Variants in SAMHD1 observed in about 807,000 individuals in gnomAD.
SAMHD1 encodes deoxynucleoside triphosphate triphosphohydrolase SAMHD1.
In SAMHD1, 54 loss-of-function variants were observed where a neutral mutation model predicts 79.6. That is an observed-to-expected ratio of 0.68 (90% CI 0.55 to 0.85). The LOEUF is 0.85. SAMHD1 is among the 40% of genes least tolerant of loss of function. The pLI is 0.00. For synonymous variants in SAMHD1, 260 were observed against 264.1 expected, an observed-to-expected ratio of 0.98 and a Z score of 0.15; for missense variants, 663 against 782.7, an observed-to-expected ratio of 0.85 and a Z score of 1.82.
In SAMHD1 at chr20:36,946,824, A is replaced by G. The variant is rs778457704; in HGVS notation, c.209-20T>C. ...CATTTTCTATGGAAGAAAAAAGACA[A>G]ATTCAATGTATACAACATATGCTTT... On this transcript the variant is annotated intron_variant, in intron 1 of 15. Transcript: ENST00000646673. 6.3e-7 allele frequency: 1 copy of G among 1,576,252 alleles called. No individual in the cohort carries two copies. The highest frequency in any genetic ancestry group is 8.7e-7 in the Non-Finnish European group (1 of 1,148,732).
chr20:36,916,230 T>C (rs774062129), intron 9 of SAMHD1, among the ~76,000 whole-genome samples: 1 of 152,158 alleles, frequency 6.6e-6, no homozygotes, highest in Non-Finnish European at 1.5e-5. Context: ...CACTTGTTAA[T>C]TATATGCCTT....
At chr20:36,920,195 G>A (rs1415825857) in intron 6 of SAMHD1, among the ~76,000 whole-genome samples, 1 of 152,086 alleles carries the variant, frequency 6.6e-6, no homozygotes, top group African/African-American at 2.4e-5. Context: ...GGTCACTGTA[G>A]TCTTGAACTC....
At chr20:36,932,089 G>A (rs1423196322) in intron 4 of SAMHD1, among the ~76,000 whole-genome samples, 1 of 152,032 alleles carries the variant, frequency 6.6e-6, no homozygotes, top group African/African-American at 2.4e-5. Context: ...AGAACAGCCT[G>A]GCCAATGTGG....
intron 6 of SAMHD1, among the ~76,000 whole-genome samples, chr20:36,920,340 T>C (rs768248196): frequency 2.6e-5 from 4 of 152,120 alleles, no homozygotes; most frequent in Non-Finnish European, 5.9e-5. Flanking sequence ...GGTCTTGAAC[T>C]CCTAGGCTCA....
Position 36,919,421 on chromosome 20 carries a change from A to G in SAMHD1, c.795T>C (p.Ile265=), listed in dbSNP as rs770681043. 1.1e-5 allele frequency: 18 copies of G among 1,613,684 alleles called. No individual in the cohort carries two copies. The South Asian group carries it at 1.9e-4, about 17-fold the overall frequency. The part of the protein sequence containing the change: ...EQYGLIPEED[I]CFIKEQIVGP... ...CTACAATTTGTTCCTTTATAAAGCAAATATCTTCTTCAGGGATGAGACCAT... is the reference window on the plus strand; with the variant it reads ...CTACAATTTGTTCCTTTATAAAGCAGATATCTTCTTCAGGGATGAGACCAT... The change falls in exon 7 of 16, where the codon ATT becomes ATC. Residue 265 remains isoleucine (I), a synonymous_variant. Transcript: ENST00000646673.
At chr20:36,895,267 C>G (rs1259057135) in intron 15 of SAMHD1, among the ~76,000 whole-genome samples, 1 of 151,802 alleles carries the variant, frequency 6.6e-6, no homozygotes, top group Non-Finnish European at 1.5e-5. Context: ...GTGTCTATGC[C>G]TCAACCCCTC....
intron 7 of SAMHD1, chr20:36,917,298 C>CCTG: frequency 2.1e-6 from 1 of 474,252 alleles, no homozygotes; most frequent in East Asian, 3.9e-5. Flanking sequence ...AAGATCTGAA[C>CCTG]TCTATTACAT....
intron 12 of SAMHD1, chr20:36,905,052 C>A (rs779019734): frequency 4.2e-5 from 15 of 359,034 alleles, no homozygotes; most frequent in Non-Finnish European, 6.3e-5. Context: ...TATTCATTTT[C>A]TCATGTCTGA....
chr20:36,916,512 T>G (rs1387183412), intron 9 of SAMHD1: 2 of 498,374 alleles, frequency 4.0e-6, no homozygotes, highest in Non-Finnish European at 7.1e-6. Flanking sequence ...CCAAAACCAG[T>G]GTCTAACTCA....
chr20:36,910,667 T>C (rs1310893182), intron 11 of SAMHD1, among the ~76,000 whole-genome samples: 3 of 150,572 alleles, frequency 2.0e-5, no homozygotes, highest in Non-Finnish European at 4.4e-5. Flanking sequence ...GAGGTGGAGG[T>C]TGCAGTGAGC....
intron 13 of SAMHD1, among the ~76,000 whole-genome samples, chr20:36,898,888 G>A (rs1331417634): frequency 6.9e-6 from 1 of 145,850 alleles, no homozygotes; most frequent in Non-Finnish European, 1.5e-5. Context: ...CTCCAGCCTG[G>A]CGACAGAGTG....
At chr20:36,903,390 C>A (rs950387268) in intron 13 of SAMHD1, among the ~76,000 whole-genome samples, 1 of 151,330 alleles carries the variant, frequency 6.6e-6, no homozygotes, top group African/African-American at 2.4e-5. Flanking sequence ...CAGGCACACA[C>A]CACCATACCC....
At chr20:36,904,685 C>CT (rs988076854) in intron 12 of SAMHD1, 1 of 216,330 alleles carries the variant, frequency 4.6e-6, no homozygotes, top group African/African-American at 2.3e-5. Context: ...CCACTGCACT[C>CT]TAACCTGGGT....
chr20:36,917,159 G>A, intron 7 of SAMHD1, 110 bp from the exon 8 acceptor site: 1 of 720,040 alleles, frequency 1.4e-6, no homozygotes, highest in African/African-American at 1.8e-5. Context: ...TACCTGACTG[G>A]GAATATGAGA....
chr20:36,936,455 G>A lies in SAMHD1; in HGVS notation c.349-1266C>T, dbSNP rs188181470. 1.9e-3 allele frequency among the ~76,000 whole-genome samples: 284 copies of A among 151,988 alleles called. 1 individual carries two copies. The highest frequency in any genetic ancestry group is 6.4e-3 in the African/African-American group (264 of 41,456). On this transcript the variant is annotated intron_variant, in intron 3 of 15. Transcript: ENST00000646673. ...CCTGCCTCAGCCTCCCAAATAGCTG[G>A]GACTACAGGCATGTACCACCATTCC...
chr20:36,919,319 A>G, intron 7 of SAMHD1, 45 bp downstream of exon 7: 1 of 1,588,712 alleles, frequency 6.3e-7, no homozygotes. Flanking sequence ...AAAAGGCTAG[A>G]TGAAAAGCAC....
chr20:36,893,103 A>C (rs768050438), intron 15 of SAMHD1, 37 bp from the exon 16 acceptor site: 1 of 1,608,516 alleles, frequency 6.2e-7, no homozygotes, highest in Admixed American at 1.7e-5. Flanking sequence ...CAATAGAGAA[A>C]AGCCAGTTTC....
intron 2 of SAMHD1, among the ~76,000 whole-genome samples, chr20:36,941,950 A>G (rs913829608): frequency 1.3e-5 from 2 of 152,196 alleles, no homozygotes; most frequent in African/African-American, 4.8e-5. Context: ...TCAGTTTGAC[A>G]TAACAAGCAC....
rs1425007417 is a variant in SAMHD1 at position 36,949,469 on chromosome 20, A to AT, written c.208+1966_208+1967insA. The stretch of plus-strand genomic sequence containing the variant: ...CTGTCTCTAATTAAAAAAAAAAAAA[A>AT]AATGAGGCCGGGCGCGGTGGCTCAC... On this transcript the variant is annotated intron_variant, in intron 1 of 15. Transcript: ENST00000646673. Among the ~76,000 whole-genome samples the AT allele has an allele frequency of 2.0e-5, 3 of 148,440 alleles. No homozygotes were observed. In the East Asian group the frequency reaches 6.1e-4, roughly 30 times the overall value.
Sources: allele counts gnomAD v4.1 joint callset (sites outside exome capture counted in the v4.1 genomes callset), GRCh38; gene constraint gnomAD v4.1.1; transcripts MANE v1.5; gene names NCBI Gene and HGNC (gene_info 2026-07-23, HGNC 2026-07-21).